PDE8B: variants seen among roughly 807,000 people sequenced by gnomAD.
The protein encoded by PDE8B is phosphodiesterase 8B.
A neutral mutation model predicts 101.3 loss-of-function variants in PDE8B; 26 were observed. That is an observed-to-expected ratio of 0.26 (90% CI 0.19 to 0.36). The LOEUF is 0.36. Ranked by LOEUF, PDE8B falls within the 10% of genes least tolerant of loss-of-function variation. PDE8B has a pLI of 1.00. For missense variants in PDE8B, 810 were observed against 1,163.1 expected, an observed-to-expected ratio of 0.70 and a Z score of 4.42; for synonymous variants, 424 against 429.3, an observed-to-expected ratio of 0.99 and a Z score of 0.15.
At chr5:77,311,843 C>A in intron 1 of PDE8B, 151 bp from the exon 2 acceptor site, 1 of 773,156 alleles carries the variant, frequency 1.3e-6, no homozygotes. Context: ...TATACATATA[C>A]ATCATGCTTG....
intron 1 of PDE8B, among the ~76,000 whole-genome samples, chr5:77,268,560 G>T (rs1389277093): frequency 6.7e-6 from 1 of 150,246 alleles, no homozygotes; most frequent in Non-Finnish European, 1.5e-5. Context: ...CTGTCTCTAT[G>T]AATTCAATTG....
At chr5:77,282,446 A>C (rs1247771164) in intron 1 of PDE8B, among the ~76,000 whole-genome samples, 1 of 152,098 alleles carries the variant, frequency 6.6e-6, no homozygotes, top group Non-Finnish European at 1.5e-5. Context: ...CAGTCAGCAG[A>C]CGCTGGCTGA....
chr5:77,197,110 T>A, the PDE8B span, among the ~76,000 whole-genome samples: 1 of 22,532 alleles, frequency 4.4e-5, no homozygotes, highest in Non-Finnish European at 9.1e-5. Flanking sequence ...TAAAAAAAAC[T>A]TTTTTTTTTT....
chr5:77,222,215 G>A (rs1272524631), intron 1 of PDE8B, among the ~76,000 whole-genome samples: 1 of 152,190 alleles, frequency 6.6e-6, no homozygotes, highest in African/African-American at 2.4e-5. Flanking sequence ...ATCTCTAAAA[G>A]GATTGGTACA....
intron 2 of PDE8B, among the ~76,000 whole-genome samples, chr5:77,319,732 A>T (rs1484297160): frequency 6.6e-6 from 1 of 152,192 alleles, no homozygotes; most frequent in East Asian, 1.9e-4. Flanking sequence ...CCAGCAAAAA[A>T]CTTCACATTA....
At chr5:77,417,811 G>A (rs974018843) in intron 17 of PDE8B, among the ~76,000 whole-genome samples, 2 of 152,056 alleles carry the variant, frequency 1.3e-5, no homozygotes, top group African/African-American at 4.8e-5. Context: ...TTTCACCATT[G>A]TATGAATAGT....
chr5:77,364,027 G>A (rs1324609492), intron 10 of PDE8B, among the ~76,000 whole-genome samples: 2 of 152,316 alleles, frequency 1.3e-5, no homozygotes, highest in South Asian at 2.1e-4. Context: ...GAAGGGAGTG[G>A]CAGGTGGGCA....
chr5:77,383,875 T>A lies in PDE8B; in HGVS notation c.1168-16373T>A, dbSNP rs534736310. On this transcript the variant is annotated intron_variant, in intron 10 of 21. Coordinates refer to ENST00000264917, the MANE Select transcript of PDE8B (RefSeq NM_003719.5). ...TGGTACCAGTATCATGCTGTTTTGG[T>A]TACTGTAGCCTTGTAGTATAGTTTG... Among the ~76,000 whole-genome samples the A allele has an allele frequency of 2.0e-5, 3 of 152,336 alleles. No individual in the cohort carries two copies. The South Asian group carries it at 6.2e-4, about 32-fold the overall frequency.
At chr5:77,310,450 C>G (rs375262956) in intron 1 of PDE8B, among the ~76,000 whole-genome samples, 2 of 152,254 alleles carry the variant, frequency 1.3e-5, no homozygotes, top group East Asian at 3.8e-4. Context: ...TGTCAGCACC[C>G]ACACCTTGCA....
the PDE8B span, among the ~76,000 whole-genome samples, chr5:77,091,548 G>A: frequency 6.6e-6 from 1 of 152,082 alleles, no homozygotes; most frequent in Non-Finnish European, 1.5e-5. Context: ...AGCCTGAGGC[G>A]GGAGAATTGC....
intron 10 of PDE8B, among the ~76,000 whole-genome samples, chr5:77,354,972 G>A (rs888312290): frequency 6.6e-5 from 10 of 152,192 alleles, no homozygotes; most frequent in Non-Finnish European, 7.3e-5. Flanking sequence ...GTGCTAAACT[G>A]CCCTCTCCCC....
chr5:77,099,926 A>G, the PDE8B span, among the ~76,000 whole-genome samples: 3 of 152,128 alleles, frequency 2.0e-5, no homozygotes, highest in South Asian at 4.1e-4. Context: ...GACCTTTTCT[A>G]TGTCACTGGA....
chr5:77,338,905 A>G (rs1329913963), intron 6 of PDE8B, among the ~76,000 whole-genome samples: 1 of 152,186 alleles, frequency 6.6e-6, no homozygotes, highest in Admixed American at 6.6e-5. Flanking sequence ...GCAACATTAC[A>G]TGTGATGGCA....
intron 1 of PDE8B, among the ~76,000 whole-genome samples, chr5:77,257,714 T>G (rs942630649): frequency 6.6e-6 from 1 of 152,174 alleles, no homozygotes; most frequent in Admixed American, 6.6e-5. Context: ...TATGCAGGTT[T>G]GTTACATATG....
At chr5:77,238,834 A>C (rs921201200) in intron 1 of PDE8B, among the ~76,000 whole-genome samples, 6 of 152,224 alleles carry the variant, frequency 3.9e-5, no homozygotes, top group African/African-American at 1.4e-4. Flanking sequence ...GCAAGAGAAG[A>C]TGAATGTGCC....
Position 77,320,791 on chromosome 5 carries a change from C to A in PDE8B, c.400-4748C>A, listed in dbSNP as rs115768612. Among the ~76,000 whole-genome samples, 1,089 of 152,164 alleles carry A rather than the reference C, an allele frequency of 7.2e-3. 18 individuals are homozygous for A. Among genetic ancestry groups the A allele is most frequent in the African/African-American group, 0.025 (1,024 of 41,492 alleles). On this transcript the variant is annotated intron_variant, in intron 2 of 21. Transcript: ENST00000264917. ...AATGATTTTTCAAAAATATATTTTGCAGAATCATTTATATGAGTTAATCAT... is the reference window on the plus strand; with the variant it reads ...AATGATTTTTCAAAAATATATTTTGAAGAATCATTTATATGAGTTAATCAT...
At chr5:77,231,469 A>G (rs185703526) in intron 1 of PDE8B, among the ~76,000 whole-genome samples, 1 of 152,310 alleles carries the variant, frequency 6.6e-6, no homozygotes, top group East Asian at 1.9e-4. Flanking sequence ...GTTTAGGTTT[A>G]AAGGGAGGGA....
At chr5:77,377,118 G>A (rs1424742730) in intron 10 of PDE8B, among the ~76,000 whole-genome samples, 1 of 152,244 alleles carries the variant, frequency 6.6e-6, no homozygotes, top group African/African-American at 2.4e-5. Flanking sequence ...GGAGACAAGT[G>A]TGCTGCTTGT....
At chr5:77,191,380 T>C in the PDE8B span, among the ~76,000 whole-genome samples, 4 of 151,070 alleles carry the variant, frequency 2.6e-5, no homozygotes, top group Non-Finnish European at 5.9e-5. Context: ...TGAGACGGAG[T>C]CTCACTCTGT....
Sources: allele counts gnomAD v4.1 joint callset (sites outside exome capture counted in the v4.1 genomes callset), GRCh38; gene constraint gnomAD v4.1.1; transcripts MANE v1.5; gene names NCBI Gene and HGNC (gene_info 2026-07-23, HGNC 2026-07-21).